Variants in ENPP7 observed in about 807,000 individuals in gnomAD.
The protein encoded by ENPP7 is ectonucleotide pyrophosphatase/phosphodiesterase family member 7.
ENPP7 carries 39 observed loss-of-function variants against 33.6 expected under a neutral mutation model. The observed-to-expected ratio is 1.16, with a 90% CI of 0.90 to 1.52. The LOEUF (loss-of-function observed/expected upper bound fraction) is 1.52, where lower values mean the gene tolerates loss of function less well. Among genes scored for constraint, ENPP7 ranks in the 40% most tolerant of loss-of-function variants. The pLI, the probability that ENPP7 is intolerant of heterozygous loss-of-function variation, is 0.00. For missense variants in ENPP7, 594 were observed against 641.0 expected (o/e 0.93, Z 0.79); for synonymous variants, 244 against 274.3 (o/e 0.89, Z 1.09).
intron 1 of ENPP7, among the ~76,000 whole-genome samples, chr17:79,732,962 A>C (rs1469696099): frequency 6.6e-6 from 1 of 152,184 alleles, no homozygotes; most frequent in Non-Finnish European, 1.5e-5. Flanking sequence ...GCAGATGAGG[A>C]CGGGAGGGAC....
At position 79,737,042 on chromosome 17, in the gene ENPP7, G is replaced by C. The variant is rs782713508; in HGVS notation, c.1028G>C (p.Arg343Thr). Residue 343 changes from arginine (R) to threonine (T), a missense_variant and splice_region_variant, in exon 4 of 6, where the codon AGA becomes ACA. Around this residue, in one of 3 missense-constraint regions of ENPP7, gnomAD observed 504 missense variants for 512.8 expected, o/e 0.98. Coordinates refer to ENST00000328313, the MANE Select transcript of ENPP7 (RefSeq NM_178543.5). This position sits in a 1 kb window ranked among gnomAD's most constrained non-coding sequence, Gnocchi z 5.5. ...YSDLGYVIHG[R>T]INVQFNNGEH... ...GGACCCTTGCCCGCTCCCCGGCAGAGAATTAACGTCCAGTTCAACAATGGG... is the reference window on the plus strand; with the variant it reads ...GGACCCTTGCCCGCTCCCCGGCAGACAATTAACGTCCAGTTCAACAATGGG... 6.2e-7 allele frequency: 1 copy of C among 1,614,012 alleles called. No individual in the cohort carries two copies. The highest frequency in any genetic ancestry group is 1.1e-5 in the South Asian group (1 of 91,082).
chr17:79,740,151 T>C (rs983981527), intron 5 of ENPP7, among the ~76,000 whole-genome samples: 1 of 152,160 alleles, frequency 6.6e-6, no homozygotes, highest in Admixed American at 6.5e-5. Flanking sequence ...TGAGCCTTGT[T>C]CCTGCCACTG....
Position 79,741,852 on chromosome 17 carries a change from T to G in ENPP7, c.*75T>G, listed in dbSNP as rs1555824683. On this transcript the variant is annotated 3_prime_UTR_variant, in exon 6 of 6. Coordinates refer to ENST00000328313, the MANE Select transcript of ENPP7 (RefSeq NM_178543.5). ...CGGCTGTCTCGCTGCGATGCTCTGCTGGTCGCGGACGGACCCTGCCTCCCC... is the reference window on the plus strand; with the variant it reads ...CGGCTGTCTCGCTGCGATGCTCTGCGGGTCGCGGACGGACCCTGCCTCCCC... 1.0e-6 allele frequency: 1 copy of G among 985,630 alleles called. No individual in the cohort carries two copies. Among genetic ancestry groups the G allele is most frequent in the African/African-American group, 1.7e-5 (1 of 57,232 alleles). 61.1% of individuals were successfully genotyped at this position (985,630 alleles called of 1,614,324 possible).
Position 79,732,379 on chromosome 17 carries a change from C to T in ENPP7, c.253+987C>T, listed in dbSNP as rs1380078582. Among the ~76,000 whole-genome samples the T allele has an allele frequency of 2.0e-5, 3 of 152,090 alleles. No homozygotes were observed. The East Asian group carries it at 5.8e-4, about 29-fold the overall frequency. On this transcript the variant is annotated intron_variant, in intron 1 of 5. Coordinates refer to ENST00000328313, the MANE Select transcript of ENPP7 (RefSeq NM_178543.5). ...CCTCCCTAGGGGCTCAGCCACCTCCCAAACCTGCGTCATCCTCCAAAGACC... is the reference window on the plus strand; with the variant it reads ...CCTCCCTAGGGGCTCAGCCACCTCCTAAACCTGCGTCATCCTCCAAAGACC...
chr17:79,731,235 G>C lies in ENPP7; in HGVS notation c.96G>C (p.Lys32Asn), dbSNP rs1262914758. Residue 32 changes from lysine to asparagine, a missense_variant, in exon 1 of 6, where the codon AAG (lysine) becomes AAC (asparagine). Lys to Asn is a moderately conservative substitution (Grantham distance 94, BLOSUM62 0). Transcript: ENST00000328313. ...APVQSQGSQN[K>N]LLLVSFDGFR... is the part of the protein sequence containing the mutation. ...TACAAAGTCAGGGCTCCCAGAACAA[G>C]CTGCTCCTGGTGTCCTTCGACGGCT... 6.2e-7 allele frequency: 1 copy of C among 1,613,144 alleles called. No individual in the cohort carries two copies. Among genetic ancestry groups the C allele is most frequent in the Non-Finnish European group, 8.5e-7 (1 of 1,179,984 alleles).
rs551732034 is a variant in ENPP7, at chr17:79,731,320, G to C, written c.181G>C (p.Gly61Arg). Residue 61 changes from glycine to arginine, a missense_variant, in exon 1 of 6, where the codon GGG (glycine) becomes CGG (arginine). By Grantham distance (125) the Gly-to-Arg change is moderately radical. This residue lies in a region of ENPP7 where 85 missense variants were observed against 111.3 expected (regional missense o/e 0.76). Transcript: ENST00000328313. Reference protein sequence around the residue: ...TPNLDAMARDGVKARYMTPAF... With the variant: ...TPNLDAMARDRVKARYMTPAF... Reference sequence around the variant, plus strand: ...CAACCTGGACGCCATGGCCCGAGACGGGGTGAAGGCACGCTACATGACCCC... The same window carrying C: ...CAACCTGGACGCCATGGCCCGAGACCGGGTGAAGGCACGCTACATGACCCC... 1 of 1,613,810 alleles carries C rather than the reference G, an allele frequency of 6.2e-7. No individual in the cohort carries two copies. The highest frequency in any genetic ancestry group is 1.3e-5 in the African/African-American group (1 of 75,034).
chr17:79,737,096 A>G lies in ENPP7; in HGVS notation c.1082A>G (p.Asp361Gly). The G allele has an allele frequency of 6.2e-7, 1 of 1,614,168 alleles. No individual in the cohort carries two copies. The highest frequency in any genetic ancestry group is 1.1e-5 in the South Asian group (1 of 91,086). The change falls in exon 4 of 6, where the codon GAC becomes GGC. Residue 361 changes from aspartate to glycine, a missense_variant. Physicochemically the swap from Asp to Gly is moderately conservative, Grantham distance 94. Coordinates refer to ENST00000328313, the MANE Select transcript of ENPP7 (RefSeq NM_178543.5). This position sits in a 1 kb window ranked among gnomAD's most constrained non-coding sequence, Gnocchi z 5.5. ...CACGGCTTTGACAACAAGGACATGG[A>G]CATGAAGACCATCTTCCGCGCTGTG... ...GEHGFDNKDMDMKTIFRAVGP... is the reference protein window; with the variant it reads ...GEHGFDNKDMGMKTIFRAVGP...
Position 79,737,504 on chromosome 17 carries a change from G to GCACGA in ENPP7, c.1246+244_1246+245insCACGA, listed in dbSNP as rs1555823873. On this transcript the variant is annotated intron_variant, in intron 4 of 5. Transcript: ENST00000328313. This position sits in a 1 kb window ranked among gnomAD's most constrained non-coding sequence, Gnocchi z 5.5. ...GGGCAGTCTTGCTCAAGAAGGGGCT[G>GCACGA]GAGGGAGCGAGGGTGGCCCAGGCGG... Among the ~76,000 whole-genome samples, 27 of 152,304 alleles carry GCACGA rather than the reference G, an allele frequency of 1.8e-4. No individual in the cohort carries two copies. Among genetic ancestry groups the GCACGA allele is most frequent in the Non-Finnish European group, 3.5e-4 (24 of 68,000 alleles).
At position 79,741,866 on chromosome 17, in the gene ENPP7, C is replaced by T. The variant is rs1207526826; in HGVS notation, c.*89C>T. 5.1e-6 allele frequency: 5 copies of T among 985,686 alleles called. No homozygotes were observed. In the East Asian group the frequency reaches 5.7e-4, roughly 112 times the overall value. The allele number at this position is 985,686 out of a possible 1,614,324, so 61.1% of individuals were successfully genotyped here. On this transcript the variant is annotated 3_prime_UTR_variant, in exon 6 of 6. Coordinates refer to ENST00000328313, the MANE Select transcript of ENPP7 (RefSeq NM_178543.5). Reference sequence around the variant, plus strand: ...CGATGCTCTGCTGGTCGCGGACGGACCCTGCCTCCCCAGCTTATCCCAGGC... The same window carrying T: ...CGATGCTCTGCTGGTCGCGGACGGATCCTGCCTCCCCAGCTTATCCCAGGC...
At chr17:79,732,925 C>T (rs1272075078) in intron 1 of ENPP7, among the ~76,000 whole-genome samples, 3 of 152,356 alleles carry the variant, frequency 2.0e-5, no homozygotes, top group South Asian at 2.1e-4. Context: ...CTCCCGTCTG[C>T]GCAGCGCCTC....
rs782796515 is a variant in ENPP7 at position 79,735,520 on chromosome 17, C to T, written c.877C>T (p.Leu293=). ...GATGCTGCTCCCTAAAGAAGGGAGG[C>T]TGGAGAAGGTGTACGATGCCCTCAA... ...NGMLLPKEGR[L]EKVYDALKDA... The change falls in exon 3 of 6, where the codon CTG becomes TTG. Residue 293 remains leucine, a synonymous_variant. Coordinates refer to ENST00000328313, the MANE Select transcript of ENPP7 (RefSeq NM_178543.5). This position sits in a 1 kb window ranked among gnomAD's most constrained non-coding sequence, Gnocchi z 5.5. 4 of 1,613,920 alleles carry T rather than the reference C, an allele frequency of 2.5e-6. No homozygotes were observed. In the African/African-American group the frequency reaches 5.3e-5, roughly 22 times the overall value.
Position 79,741,877 on chromosome 17 carries a change from C to CA in ENPP7, c.*101dup, listed in dbSNP as rs1227216281. 2.0e-6 allele frequency: 2 copies of CA among 985,586 alleles called. No individual in the cohort carries two copies. Among genetic ancestry groups the CA allele is most frequent in the African/African-American group, 3.5e-5 (2 of 57,230 alleles). The allele number at this position is 985,586 out of a possible 1,614,324, so 61.1% of individuals were successfully genotyped here. A position where few individuals can be genotyped will look rare whatever the true frequency, so the allele number is the denominator to read the frequency against. On this transcript the variant is annotated 3_prime_UTR_variant, in exon 6 of 6. Transcript: ENST00000328313. ...TGGTCGCGGACGGACCCTGCCTCCCCAGCTTATCCCAGGCCAGAGGCTGCA... is the reference window on the plus strand; with the variant it reads ...TGGTCGCGGACGGACCCTGCCTCCCCAAGCTTATCCCAGGCCAGAGGCTGCA...
At position 79,739,967 on chromosome 17, in the gene ENPP7, G is replaced by A. The variant is rs2094302503; in HGVS notation, c.*17-1827G>A. Among the ~76,000 whole-genome samples, 1 of 152,208 alleles carries A rather than the reference G, an allele frequency of 6.6e-6. No homozygotes were observed. Among genetic ancestry groups the A allele is most frequent in the Non-Finnish European group, 1.5e-5 (1 of 68,036 alleles). On this transcript the variant is annotated intron_variant, in intron 5 of 5. Coordinates refer to ENST00000328313, the MANE Select transcript of ENPP7 (RefSeq NM_178543.5). This position sits in a 1 kb window ranked among gnomAD's most constrained non-coding sequence, Gnocchi z 4.4. ...AGTACTTCCAGAGGCCGACGCAGGA[G>A]GATCGCTTGAGCCCAGGAGTTCAAG...
chr17:79,736,179 C>T (rs1475065336), intron 3 of ENPP7, among the ~76,000 whole-genome samples: 1 of 151,972 alleles, frequency 6.6e-6, no homozygotes, highest in African/African-American at 2.4e-5. Flanking sequence ...TTATGGGATT[C>T]AGGTGTGAGC....
Position 79,741,975 on chromosome 17 carries a change from C to A in ENPP7, c.*198C>A. Reference sequence around the variant, plus strand: ...TGGTAATAAGCCTCGCAGCCCAGGTCCAGAGCCCCCGGCGAGCCGGTCCCA... The same window carrying A: ...TGGTAATAAGCCTCGCAGCCCAGGTACAGAGCCCCCGGCGAGCCGGTCCCA... On this transcript the variant is annotated 3_prime_UTR_variant, in exon 6 of 6. Coordinates refer to ENST00000328313, the MANE Select transcript of ENPP7 (RefSeq NM_178543.5). 1 of 985,488 alleles carries A rather than the reference C, an allele frequency of 1.0e-6. No homozygotes were observed. The highest frequency in any genetic ancestry group is 1.2e-6 in the Non-Finnish European group (1 of 829,812). The allele number at this position is 985,488 out of a possible 1,614,324, so 61.0% of individuals were successfully genotyped here.
At position 79,732,132 on chromosome 17, in the gene ENPP7, G is replaced by GTA. The variant is rs1260417941; in HGVS notation, c.253+757_253+758dup. On this transcript the variant is annotated intron_variant, in intron 1 of 5. Transcript: ENST00000328313. ...TACATATATATATACATATATATATGTATATATATATATATATACACACAC... is the reference window on the plus strand; with the variant it reads ...TACATATATATATACATATATATATGTATATATATATATATATATACACACAC... Among the ~76,000 whole-genome samples the GTA allele has an allele frequency of 1.2e-3, 57 of 48,382 alleles. 1 individual carries two copies. The highest frequency in any genetic ancestry group is 2.5e-3 in the African/African-American group (31 of 12,300). 31.7% of individuals were successfully genotyped at this position (48,382 alleles called of 152,430 possible).
chr17:79,735,192 C>A lies in ENPP7; in HGVS notation c.549C>A (p.Phe183Leu), dbSNP rs782507447. Residue 183 changes from phenylalanine (F) to leucine (L), a missense_variant, in exon 3 of 6, where the codon TTC (phenylalanine) becomes TTA (leucine). Transcript: ENST00000328313. This position sits in a 1 kb window ranked among gnomAD's most constrained non-coding sequence, Gnocchi z 5.5. ...ACATCGACACAGTGATGGCGTGGTT[C>A]ACAGAGGAGGACCTGGATCTGGTCA... The part of the protein sequence containing the change: ...RANIDTVMAW[F>L]TEEDLDLVTL... 6.2e-7 allele frequency: 1 copy of A among 1,613,386 alleles called. No homozygotes were observed. Among genetic ancestry groups the A allele is most frequent in the South Asian group, 1.1e-5 (1 of 91,078 alleles).
rs1555823184 is a variant in ENPP7 at position 79,735,034 on chromosome 17, G to T, written c.400-9G>T. ...GGAGTCCTGTCTTTCACGCTGCCTT[G>T]TCTGGCAGGGCCTGAGGGCTGGCTC... On this transcript the variant is annotated splice_polypyrimidine_tract_variant and intron_variant, in intron 2 of 5. Coordinates refer to ENST00000328313, the MANE Select transcript of ENPP7 (RefSeq NM_178543.5). This position sits in a 1 kb window ranked among gnomAD's most constrained non-coding sequence, Gnocchi z 5.5. 2 of 1,611,680 alleles carry T rather than the reference G, an allele frequency of 1.2e-6. No individual in the cohort carries two copies. The highest frequency in any genetic ancestry group is 3.3e-5 in the Admixed American group (2 of 60,010).
In ENPP7 at chr17:79,737,395, G is replaced by T. The variant is rs1272436244; in HGVS notation, c.1246+135G>T. 5.8e-6 allele frequency: 4 copies of T among 692,994 alleles called. No homozygotes were observed. The highest frequency in any genetic ancestry group is 3.5e-5 in the African/African-American group (2 of 56,442). The allele number at this position is 692,994 out of a possible 1,614,324, so 42.9% of individuals were successfully genotyped here. On this transcript the variant is annotated intron_variant, in intron 4 of 5. Transcript: ENST00000328313. The surrounding 1 kb of genome is among the most constrained non-coding windows in gnomAD (Gnocchi z 5.5). The stretch of plus-strand genomic sequence containing the variant: ...CCTCCCCTGGCTTTGGAGAACACCA[G>T]AATCTCTCACATTCCCACAACACGT...
Sources: gnomAD v4.1 joint callset for allele counts (sites outside exome capture counted in the v4.1 genomes callset) on GRCh38, gnomAD v4.1.1 for gene constraint, gnomAD v4.1.1 regional missense constraint, Gnocchi (gnomAD v3.1) non-coding constraint, MANE v1.5 for transcripts, NCBI Gene and HGNC (gene_info 2026-07-23, HGNC 2026-07-21) for gene names.